The following TENM3 variants were observed in gnomAD, a reference collection of about 807,000 sequenced individuals.
The protein encoded by TENM3 is teneurin transmembrane protein 3.
A neutral mutation model predicts 255.1 loss-of-function variants in TENM3; 63 were observed. The ratio of observed to expected loss-of-function variants is 0.25; its 90% CI spans 0.20 to 0.30. The LOEUF (loss-of-function observed/expected upper bound fraction) is 0.30, where lower values mean the gene tolerates loss of function less well. Among genes scored for constraint, TENM3 ranks in the 10% least tolerant of loss-of-function variants. The pLI is 1.00. For missense variants in TENM3, 2,929 were observed against 3,461.1 expected, an observed-to-expected ratio of 0.85 and a Z score of 3.86; for synonymous variants, 1,306 against 1,322.3, an observed-to-expected ratio of 0.99 and a Z score of 0.27.
the TENM3 span, among the ~76,000 whole-genome samples, chr4:181,669,784 C>A: frequency 6.6e-6 from 1 of 152,206 alleles, no homozygotes; most frequent in African/African-American, 2.4e-5. Flanking sequence ...TGGGGTCCAC[C>A]GATGAAGCCC....
the TENM3 span, among the ~76,000 whole-genome samples, chr4:181,680,310 G>A: frequency 1.3e-5 from 2 of 151,890 alleles, no homozygotes; most frequent in Non-Finnish European, 2.9e-5. Flanking sequence ...TTTTGTTACA[G>A]TTTTATAAAA....
At chr4:181,985,200 G>A in the TENM3 span, among the ~76,000 whole-genome samples, 1 of 151,066 alleles carries the variant, frequency 6.6e-6, no homozygotes, top group Admixed American at 6.6e-5. Flanking sequence ...ATTTTCCATG[G>A]TAATACTCAT....
intron 3 of TENM3, among the ~76,000 whole-genome samples, chr4:182,447,476 G>C (rs1015644422): frequency 6.6e-6 from 1 of 152,188 alleles, no homozygotes; most frequent in African/African-American, 2.4e-5. Flanking sequence ...TGTTCAAGAA[G>C]ATAAGGAAAT....
the TENM3 span, among the ~76,000 whole-genome samples, chr4:181,649,887 G>A: frequency 1.3e-5 from 2 of 152,192 alleles, no homozygotes; most frequent in Admixed American, 6.5e-5. Context: ...CTTGGATCAG[G>A]AGTGGATTGT....
the TENM3 span, among the ~76,000 whole-genome samples, chr4:181,717,348 A>C: frequency 6.6e-6 from 1 of 152,054 alleles, no homozygotes; most frequent in Non-Finnish European, 1.5e-5. Flanking sequence ...CGGGGTATAA[A>C]AATGTCCTAG....
chr4:182,201,901 A>G (rs934044945), intron 1 of TENM3, among the ~76,000 whole-genome samples: 1 of 152,218 alleles, frequency 6.6e-6, no homozygotes, highest in Non-Finnish European at 1.5e-5. Flanking sequence ...TAGGAAATAG[A>G]AAAATAACTA....
At chr4:182,418,114 C>T (rs907605658) in intron 3 of TENM3, among the ~76,000 whole-genome samples, 2 of 152,002 alleles carry the variant, frequency 1.3e-5, no homozygotes, top group African/African-American at 2.4e-5. Flanking sequence ...TAAGATTTGC[C>T]TTGGAAACAG....
At chr4:182,379,461 A>G (rs4862046) in intron 3 of TENM3, among the ~76,000 whole-genome samples, 134,846 of 152,194 alleles carry the variant, frequency 0.89, 60,123 homozygotes, top group African/African-American at 0.91. Flanking sequence ...CCCACAGTGT[A>G]TCCCACCCAT....
the TENM3 span, among the ~76,000 whole-genome samples, chr4:181,531,222 G>C: frequency 1.8e-4 from 27 of 152,218 alleles, 2 homozygotes; most frequent in African/African-American, 6.3e-4. Flanking sequence ...TCAAATTATA[G>C]AGCAAGGAAG....
chr4:182,285,110 G>A (rs1760650680), intron 1 of TENM3, among the ~76,000 whole-genome samples: 1 of 152,062 alleles, frequency 6.6e-6, no homozygotes, highest in Admixed American at 6.6e-5. Context: ...AGTATTAAGG[G>A]TTGGTCTTGG....
intron 6 of TENM3, among the ~76,000 whole-genome samples, chr4:182,669,528 C>G (rs192578095): frequency 6.6e-6 from 1 of 152,020 alleles, no homozygotes. Context: ...CCTCAGCCTC[C>G]CAAATTGCTA....
At chr4:182,510,711 C>G (rs1737309705) in intron 3 of TENM3, among the ~76,000 whole-genome samples, 1 of 152,214 alleles carries the variant, frequency 6.6e-6, no homozygotes, top group East Asian at 1.9e-4. Flanking sequence ...TGCCTATGAA[C>G]TTCCCCTATA....
At chr4:181,848,811 G>A in the TENM3 span, among the ~76,000 whole-genome samples, 1 of 152,066 alleles carries the variant, frequency 6.6e-6, no homozygotes, top group Non-Finnish European at 1.5e-5. Context: ...GCCCAGAATC[G>A]CCAAGGCTAA....
At chr4:181,551,838 ATGTGTGTGTG>A in the TENM3 span, among the ~76,000 whole-genome samples, 6,448 of 138,684 alleles carry the variant, frequency 0.046, 224 homozygotes, top group African/African-American at 0.084. Context: ...ATATATGTAT[ATGTGTGTGTG>A]TGTGTGTGTG....
rs529344793 is a variant in TENM3 at position 182,235,221 on chromosome 4, T to TG, written c.-75-88720dup. On this transcript the variant is annotated intron_variant, in intron 1 of 2. Transcript: ENST00000512480. Reference sequence around the variant, plus strand: ...TGCTTCTTATAGCTCTGAAATGCCTTGGGGGCACAGTAGTGATTCTGGATT... The same window carrying TG: ...TGCTTCTTATAGCTCTGAAATGCCTTGGGGGGCACAGTAGTGATTCTGGATT... Among the ~76,000 whole-genome samples, 64 of 152,228 alleles carry TG rather than the reference T, an allele frequency of 4.2e-4. 1 individual carries two copies. Among genetic ancestry groups the TG allele is most frequent in the African/African-American group, 1.4e-3 (59 of 41,542 alleles).
chr4:181,679,286 C>T, the TENM3 span, among the ~76,000 whole-genome samples: 1 of 152,134 alleles, frequency 6.6e-6, no homozygotes, highest in African/African-American at 2.4e-5. Context: ...CACATGGCTG[C>T]AATGGAATCT....
At chr4:182,306,723 G>A (rs1580100667) in intron 1 of TENM3, among the ~76,000 whole-genome samples, 1 of 152,200 alleles carries the variant, frequency 6.6e-6, no homozygotes, top group East Asian at 1.9e-4. Flanking sequence ...ATCTGCCTAG[G>A]GTTTCATGAT....
At chr4:182,629,914 T>C (rs1751198212) in intron 5 of TENM3, among the ~76,000 whole-genome samples, 1 of 152,162 alleles carries the variant, frequency 6.6e-6, no homozygotes, top group African/African-American at 2.4e-5. Flanking sequence ...AAAACAGAAT[T>C]GTAGAGCATG....
the TENM3 span, among the ~76,000 whole-genome samples, chr4:181,810,325 A>G: frequency 6.6e-6 from 1 of 152,196 alleles, no homozygotes; most frequent in Admixed American, 6.5e-5. Flanking sequence ...ATCCTCTGCA[A>G]AAGAAACAGG....
Sources: gnomAD v4.1 joint callset for allele counts (sites outside exome capture counted in the v4.1 genomes callset) on GRCh38, gnomAD v4.1.1 for gene constraint, MANE v1.5 for transcripts, NCBI Gene and HGNC (gene_info 2026-07-23, HGNC 2026-07-21) for gene names.